Variants in FARP2 observed in about 807,000 individuals in gnomAD.
FARP2 encodes the protein FERM, ARHGEF and pleckstrin domain-containing protein 2.
A neutral mutation model predicts 130.5 loss-of-function variants in FARP2; 111 were observed. The observed-to-expected ratio is 0.85, with a 90% CI of 0.73 to 1.00. The LOEUF (loss-of-function observed/expected upper bound fraction) is 1.00. Ranked by LOEUF, FARP2 falls within the 50% of genes least tolerant of loss-of-function variation. The pLI, the probability that FARP2 is intolerant of heterozygous loss-of-function variation, is 0.00. For missense variants in FARP2, 1,385 were observed against 1,346.3 expected, an observed-to-expected ratio of 1.03 and a Z score of -0.45; for synonymous variants, 504 against 516.9, an observed-to-expected ratio of 0.98 and a Z score of 0.34.
intron 2 of FARP2, among the ~76,000 whole-genome samples, chr2:241,388,054 T>G (rs937988173): frequency 6.6e-6 from 1 of 152,132 alleles, no homozygotes; most frequent in African/African-American, 2.4e-5. Flanking sequence ...AGCTTTTTAG[T>G]AGAAATTGAC....
chr2:241,448,953 A>G (rs1268702307), intron 13 of FARP2, among the ~76,000 whole-genome samples: 1 of 152,214 alleles, frequency 6.6e-6, no homozygotes, highest in East Asian at 1.9e-4. Context: ...GGTGAGCTGA[A>G]TGCACAGTAA....
intron 13 of FARP2, 45 bp downstream of exon 13, chr2:241,441,601 G>C: frequency 6.2e-7 from 1 of 1,613,548 alleles, no homozygotes; most frequent in Non-Finnish European, 8.5e-7. Context: ...TTCTGTCTGT[G>C]CTGGGGGGCA....
At chr2:241,443,145 C>G (rs1161233990) in intron 13 of FARP2, 1 of 245,036 alleles carries the variant, frequency 4.1e-6, no homozygotes, top group Non-Finnish European at 8.1e-6. Flanking sequence ...TTTGCACAGA[C>G]AAGTGGAGAA....
intron 13 of FARP2, among the ~76,000 whole-genome samples, chr2:241,453,359 A>G (rs540790545): frequency 3.3e-5 from 5 of 151,606 alleles, no homozygotes; most frequent in Admixed American, 6.6e-5. Flanking sequence ...GCGGTGGCTC[A>G]TGCCTGTAAT....
intron 13 of FARP2, chr2:241,442,539 C>A: frequency 2.2e-6 from 1 of 449,066 alleles, no homozygotes. Flanking sequence ...CTTGACCACT[C>A]TGGGTTCCTT....
chr2:241,384,671 A>G (rs2061743025), intron 2 of FARP2, among the ~76,000 whole-genome samples: 1 of 152,202 alleles, frequency 6.6e-6, no homozygotes, highest in African/African-American at 2.4e-5. Flanking sequence ...ATATGCATCC[A>G]TATGCTTTTT....
intron 1 of FARP2, among the ~76,000 whole-genome samples, chr2:241,370,003 A>G (rs2061390508): frequency 6.6e-6 from 1 of 152,218 alleles, no homozygotes; most frequent in African/African-American, 2.4e-5. Context: ...TGGGAACTGA[A>G]AAAAAGTGAT....
intron 8 of FARP2, among the ~76,000 whole-genome samples, chr2:241,427,223 G>A (rs746169383): frequency 9.9e-5 from 15 of 151,614 alleles, no homozygotes; most frequent in Admixed American, 2.0e-4. Flanking sequence ...CAACAAGAGC[G>A]AAACTCTGTC....
At chr2:241,424,099 T>C (rs753537580) in intron 8 of FARP2, among the ~76,000 whole-genome samples, 10 of 152,156 alleles carry the variant, frequency 6.6e-5, no homozygotes, top group Non-Finnish European at 1.2e-4. Context: ...AACTCAGCCC[T>C]GGATAAAGTG....
chr2:241,374,247 A>G (rs1054227726), intron 2 of FARP2, among the ~76,000 whole-genome samples: 2 of 152,132 alleles, frequency 1.3e-5, no homozygotes, highest in East Asian at 1.9e-4. Context: ...CCTGGGCTCA[A>G]GGGATCCTCC....
intron 8 of FARP2, among the ~76,000 whole-genome samples, chr2:241,427,847 C>G (rs1484243772): frequency 6.6e-6 from 1 of 152,066 alleles, no homozygotes; most frequent in East Asian, 1.9e-4. Context: ...CTCACTGCAA[C>G]CTCCGCCTCC....
intron 2 of FARP2, among the ~76,000 whole-genome samples, chr2:241,394,954 G>A (rs891651779): frequency 6.6e-6 from 1 of 152,220 alleles, no homozygotes; most frequent in African/African-American, 2.4e-5. Context: ...TGCTCACACT[G>A]TTCTGTGTGG....
rs1048013910 is a variant in FARP2 at position 241,434,160 on chromosome 2, A to T, written c.870A>T (p.Gly290=). 3.8e-6 allele frequency: 6 copies of T among 1,599,046 alleles called. No individual in the cohort carries two copies. Among genetic ancestry groups the T allele is most frequent in the African/African-American group, 1.4e-5 (1 of 74,048 alleles). ...FLIKLHPEVH[G]PYQDTLEFLL... ...TAACCTTTGTGTTTTGTTTCTAGGG[A>T]CCTTACCAGGACACATTAGAATTTT... is the stretch of plus-strand genomic sequence containing the variant. The change falls in exon 10 of 27, where the codon GGA becomes GGT. Residue 290 remains glycine (G), a splice_region_variant and synonymous_variant. Coordinates refer to ENST00000264042, the MANE Select transcript of FARP2 (RefSeq NM_014808.4).
chr2:241,465,322 A>G (rs987937426), intron 17 of FARP2: 92 of 698,808 alleles, frequency 1.3e-4, no homozygotes, highest in Non-Finnish European at 2.1e-4. Context: ...CTTCCTCAGA[A>G]CATCATTCTC....
In FARP2 at chr2:241,463,988, GCATGGTGACTACTGCCTA is replaced by G; in HGVS notation, c.1893+13_1893+30del. ...AACATGCGCCAGTTAAAGGTAGGCTGCATGGTGACTACTGCCTACATGAATGCTGTTTATGGGAGCAAA... is the reference window on the plus strand; with the variant it reads ...AACATGCGCCAGTTAAAGGTAGGCTGCATGAATGCTGTTTATGGGAGCAAA... On this transcript the variant is annotated intron_variant, in intron 17 of 26. Transcript: ENST00000264042. 1 of 1,610,324 alleles carries G rather than the reference GCATGGTGACTACTGCCTA, an allele frequency of 6.2e-7. No individual in the cohort carries two copies. The highest frequency in any genetic ancestry group is 1.1e-5 in the South Asian group (1 of 90,804).
At chr2:241,491,903 G>A (rs1471902064) in intron 24 of FARP2, among the ~76,000 whole-genome samples, 2 of 152,182 alleles carry the variant, frequency 1.3e-5, no homozygotes, top group African/African-American at 4.8e-5. Context: ...ATGAAGTCCA[G>A]CAGGCGGGGC....
At chr2:241,384,226 A>G (rs553337952) in intron 2 of FARP2, among the ~76,000 whole-genome samples, 1 of 152,212 alleles carries the variant, frequency 6.6e-6, no homozygotes, top group African/African-American at 2.4e-5. Flanking sequence ...AGAAACATGA[A>G]AAGTATCTGT....
chr2:241,457,180 C>T (rs1040911143), intron 14 of FARP2, among the ~76,000 whole-genome samples: 7 of 152,224 alleles, frequency 4.6e-5, no homozygotes, highest in Admixed American at 1.3e-4. Flanking sequence ...ATTTAGCAAA[C>T]GGTCCCTGGA....
intron 21 of FARP2, among the ~76,000 whole-genome samples, chr2:241,486,398 G>A (rs1482151119): frequency 7.2e-6 from 1 of 137,942 alleles, no homozygotes; most frequent in Non-Finnish European, 1.5e-5. Flanking sequence ...GGAGGTCAAG[G>A]CTGTAGTGAG....
Sources: allele counts gnomAD v4.1 joint callset (sites outside exome capture counted in the v4.1 genomes callset), GRCh38; gene constraint gnomAD v4.1.1; transcripts MANE v1.5; gene names NCBI Gene and HGNC (gene_info 2026-07-23, HGNC 2026-07-21).